Variants in LRP1B observed in about 807,000 individuals in gnomAD.
The protein encoded by LRP1B is low-density lipoprotein receptor-related protein 1B.
In LRP1B, 217 loss-of-function variants were observed where a neutral mutation model predicts 556.6. The ratio of observed to expected loss-of-function variants is 0.39; its 90% CI spans 0.35 to 0.44. The LOEUF (loss-of-function observed/expected upper bound fraction) is 0.44, where lower values mean the gene tolerates loss of function less well. LRP1B is among the 20% of genes least tolerant of loss of function. LRP1B has a pLI of 1.00. For missense variants in LRP1B, 5,053 were observed against 5,620.8 expected (o/e 0.90, Z 3.23); for synonymous variants, 2,047 against 1,865.8 (o/e 1.10, Z -2.50).
chr2:141,052,195 A>G (rs936997515), intron 10 of LRP1B, among the ~76,000 whole-genome samples: 8 of 151,990 alleles, frequency 5.3e-5, no homozygotes, highest in Admixed American at 5.3e-4. Flanking sequence ...CATTGCCCTC[A>G]TAGCCTCTCA....
chr2:141,250,649 T>C (rs995411620), intron 4 of LRP1B, among the ~76,000 whole-genome samples: 3 of 152,172 alleles, frequency 2.0e-5, no homozygotes, highest in Non-Finnish European at 2.9e-5. Context: ...AATGCTCACA[T>C]TTATAACTGG....
Position 142,108,869 on chromosome 2 carries a change from C to A in LRP1B, c.82+21779G>T, listed in dbSNP as rs533159646. ...TCCTATAGATACTCACATTGCTCCA[C>A]ACACCTGAGACCTAGTTATATTTTT... On this transcript the variant is annotated intron_variant, in intron 1 of 90. Coordinates refer to ENST00000389484, the MANE Select transcript of LRP1B (RefSeq NM_018557.3). Among the ~76,000 whole-genome samples, 6 of 152,308 alleles carry A rather than the reference C, an allele frequency of 3.9e-5. No individual in the cohort carries two copies. The East Asian group carries it at 1.2e-3, about 29-fold the overall frequency.
At chr2:141,881,118 A>C (rs1449105449) in intron 1 of LRP1B, among the ~76,000 whole-genome samples, 1 of 152,234 alleles carries the variant, frequency 6.6e-6, no homozygotes, top group African/African-American at 2.4e-5. Context: ...ATCAATCTAA[A>C]GATGAAGCAT....
At chr2:141,904,970 A>G (rs1451686406) in intron 1 of LRP1B, among the ~76,000 whole-genome samples, 1 of 151,936 alleles carries the variant, frequency 6.6e-6, no homozygotes, top group Non-Finnish European at 1.5e-5. Flanking sequence ...GCTAGAGCCT[A>G]ATTAGACTGA....
chr2:140,487,000 T>C (rs1688498082), intron 58 of LRP1B, among the ~76,000 whole-genome samples: 1 of 151,900 alleles, frequency 6.6e-6, no homozygotes, highest in Admixed American at 6.6e-5. Context: ...TAAAACTTCT[T>C]TATAATATGT....
intron 43 of LRP1B, among the ~76,000 whole-genome samples, chr2:140,576,385 C>A (rs953383329): frequency 1.3e-5 from 2 of 152,096 alleles, no homozygotes; most frequent in Non-Finnish European, 2.9e-5. Context: ...AAAAGGAGAA[C>A]AATTGTTGGT....
At chr2:140,911,306 A>G (rs1694410735) in intron 21 of LRP1B, among the ~76,000 whole-genome samples, 3 of 151,844 alleles carry the variant, frequency 2.0e-5, no homozygotes, top group Admixed American at 2.0e-4. Flanking sequence ...TACACAAGAA[A>G]TAGTTCAAAT....
chr2:140,940,416 T>C (rs755429100), intron 20 of LRP1B, among the ~76,000 whole-genome samples: 3 of 152,172 alleles, frequency 2.0e-5, no homozygotes, highest in Non-Finnish European at 4.4e-5. Flanking sequence ...TTAATAGATG[T>C]GATGTATATC....
At chr2:140,825,703 ATTT>A (rs368288114) in intron 31 of LRP1B, among the ~76,000 whole-genome samples, 5 of 150,894 alleles carry the variant, frequency 3.3e-5, no homozygotes, top group African/African-American at 1.2e-4. Flanking sequence ...CAATTGTGGA[ATTT>A]TTTTTTTCTT....
At chr2:141,391,673 A>T (rs1441935685) in intron 3 of LRP1B, among the ~76,000 whole-genome samples, 1 of 152,206 alleles carries the variant, frequency 6.6e-6, no homozygotes, top group Non-Finnish European at 1.5e-5. Flanking sequence ...CAGCATCAAA[A>T]ATCAGGATTA....
chr2:140,432,622 C>T (rs1294535115), intron 66 of LRP1B, among the ~76,000 whole-genome samples: 1 of 152,190 alleles, frequency 6.6e-6, no homozygotes, highest in Non-Finnish European at 1.5e-5. Context: ...TGAAGTAGAA[C>T]TCATTATAGG....
intron 7 of LRP1B, among the ~76,000 whole-genome samples, chr2:141,179,577 C>T (rs1423296627): frequency 6.6e-6 from 1 of 151,958 alleles, no homozygotes; most frequent in Non-Finnish European, 1.5e-5. Context: ...ACAATTTTTA[C>T]CTCCATTCTT....
intron 1 of LRP1B, among the ~76,000 whole-genome samples, chr2:142,048,025 A>G (rs1293546937): frequency 6.6e-6 from 1 of 151,746 alleles, no homozygotes; most frequent in East Asian, 2.0e-4. Flanking sequence ...TTACTAACAT[A>G]GTGGTCAAAA....
chr2:140,610,533 T>G (rs1211811151), intron 41 of LRP1B, among the ~76,000 whole-genome samples: 1 of 152,204 alleles, frequency 6.6e-6, no homozygotes, highest in Non-Finnish European at 1.5e-5. Context: ...GCCCTACCAC[T>G]TTACTAGCTA....
chr2:141,809,230 G>A (rs750798956), intron 2 of LRP1B, among the ~76,000 whole-genome samples: 10 of 152,102 alleles, frequency 6.6e-5, no homozygotes, highest in South Asian at 6.2e-4. Context: ...TTAAAAGGAC[G>A]TCAAACATAA....
intron 31 of LRP1B, among the ~76,000 whole-genome samples, chr2:140,833,053 G>T (rs1047428971): frequency 1.3e-5 from 2 of 152,100 alleles, no homozygotes; most frequent in Non-Finnish European, 2.9e-5. Context: ...ATAAGTGAGG[G>T]TATGTGTGTG....
In LRP1B at chr2:140,485,434, C is replaced by T. The variant is rs1257819931; in HGVS notation, c.9334G>A (p.Glu3112Lys). The change falls in exon 59 of 91, where the codon GAA (glutamate) becomes AAA (lysine). Residue 3112 changes from glutamate to lysine, a missense_variant. By Grantham distance (56) the Glu-to-Lys change is moderately conservative (BLOSUM62 1). Around this residue, in one of 5 missense-constraint regions of LRP1B, gnomAD observed 3,619 missense variants for 3,931.9 expected, o/e 0.92. Coordinates refer to ENST00000389484, the MANE Select transcript of LRP1B (RefSeq NM_018557.3). Reference sequence around the variant, plus strand: ...TACAAGCCATTGAGTTTGGATACTTCAATGATTCTTTTTTCTGTGTCAGAC... The same window carrying T: ...TACAAGCCATTGAGTTTGGATACTTTAATGATTCTTTTTTCTGTGTCAGAC... ...YWSDTEKRII[E>K]VSKLNGLYPT... 6.2e-7 allele frequency: 1 copy of T among 1,613,766 alleles called. No individual in the cohort carries two copies. Among genetic ancestry groups the T allele is most frequent in the Non-Finnish European group, 8.5e-7 (1 of 1,179,850 alleles).
rs369218240 is a variant in LRP1B, at chr2:140,336,968, G to A, written c.11893-1130C>T. On this transcript the variant is annotated intron_variant, in intron 77 of 90. Coordinates refer to ENST00000389484, the MANE Select transcript of LRP1B (RefSeq NM_018557.3). The stretch of plus-strand genomic sequence containing the variant: ...TTACAACTAGATGTGTAATCAATAC[G>A]TAACAGCATCTTTAAGACCTGAGAA... Among the ~76,000 whole-genome samples the A allele has an allele frequency of 2.3e-4, 35 of 151,902 alleles. No homozygotes were observed. The South Asian group carries it at 6.2e-3, about 27-fold the overall frequency.
At chr2:141,503,407 G>A (rs183253225) in intron 2 of LRP1B, among the ~76,000 whole-genome samples, 15 of 151,584 alleles carry the variant, frequency 9.9e-5, no homozygotes, top group South Asian at 2.1e-4. Flanking sequence ...GTTTCCAACC[G>A]TTGGTGATAT....
Sources: allele counts gnomAD v4.1 joint callset (sites outside exome capture counted in the v4.1 genomes callset), GRCh38; gene constraint gnomAD v4.1.1; regional missense constraint gnomAD v4.1.1; transcripts MANE v1.5; gene names NCBI Gene and HGNC (gene_info 2026-07-23, HGNC 2026-07-21).